The following KIF3C variants were observed in gnomAD, a reference collection of about 807,000 sequenced individuals.
KIF3C encodes the protein kinesin family member 3C.
KIF3C carries 12 observed loss-of-function variants against 67.7 expected under a neutral mutation model. The observed-to-expected ratio is 0.18, with a 90% confidence interval of 0.11 to 0.29. The LOEUF is 0.29. KIF3C is among the 10% of genes least tolerant of loss of function. KIF3C has a pLI of 1.00. For synonymous variants in KIF3C, 393 were observed against 426.2 expected (o/e 0.92, Z 0.96); for missense variants, 789 against 1,059.6 (o/e 0.74, Z 3.55).
Position 25,929,391 on chromosome 2 carries a change from A to G in KIF3C, c.2202T>C (p.Pro734=). 1 of 1,614,096 alleles carries G rather than the reference A, an allele frequency of 6.2e-7. No homozygotes were observed. Among genetic ancestry groups the G allele is most frequent in the South Asian group, 1.1e-5 (1 of 91,080 alleles). ...TGAGCCTCTCCATGTGTAGCGCACG[A>G]GGGTCTTGTTCTTGGTCGTGAGAGA... ...MEFSHDQEQD[P]RALHMERLMR... is the part of the protein sequence containing the mutation. The change falls in exon 7 of 8, where the codon CCT becomes CCC. Residue 734 remains proline (P), a synonymous_variant. Transcript: ENST00000264712.
At position 25,955,562 on chromosome 2, in the gene KIF3C, G is replaced by T. The variant is rs1559553413; in HGVS notation, c.1749C>A (p.Val583=). The T allele has an allele frequency of 6.2e-7, 1 of 1,614,042 alleles. No homozygotes were observed. The highest frequency in any genetic ancestry group is 8.5e-7 in the Non-Finnish European group (1 of 1,179,982). ...TYTSLQQEVE[V]KTKKLKKLYA... ...TCACCTTCTTGAGTTTCTTGGTTTT[G>T]ACCTCCACCTCCTGCTGCAGGGATG... is the stretch of plus-strand genomic sequence containing the variant. Residue 583 remains valine (V), a synonymous_variant, in exon 3 of 8, where the codon GTC becomes GTA. Transcript: ENST00000264712. This position sits in a 1 kb window ranked among gnomAD's most constrained non-coding sequence, Gnocchi z 5.0.
Position 25,980,727 on chromosome 2 carries a change from C to T in KIF3C, c.1191G>A (p.Arg397=). 6.2e-7 allele frequency: 1 copy of T among 1,614,178 alleles called. No homozygotes were observed. The highest frequency in any genetic ancestry group is 8.5e-7 in the Non-Finnish European group (1 of 1,179,994). The change falls in exon 1 of 8, where the codon AGG becomes AGA. Residue 397 remains arginine (R), a synonymous_variant. Transcript: ENST00000264712. The surrounding 1 kb of genome is among the most constrained non-coding windows in gnomAD (Gnocchi z 7.6). ...IARLKAQLEK[R]GMLGKRPRRK... ...TCCGGGGCCGCTTCCCCAGCATCCC[C>T]CTCTTCTCCAGCTGGGCCTTCAGGC...
intron 1 of KIF3C, among the ~76,000 whole-genome samples, chr2:25,969,216 C>A (rs1664217698): frequency 6.6e-6 from 1 of 152,152 alleles, no homozygotes; most frequent in African/African-American, 2.4e-5. Context: ...TATAATTGAG[C>A]ATTATTATCA....
At chr2:25,959,710 G>A (rs144848709) in intron 1 of KIF3C, among the ~76,000 whole-genome samples, 3,158 of 152,240 alleles carry the variant, frequency 0.021, 54 homozygotes, top group Middle Eastern at 0.088. Context: ...AAAGTGCTGG[G>A]ATTACAGGTG....
chr2:25,931,350 C>G (rs2090457198), intron 5 of KIF3C, among the ~76,000 whole-genome samples: 1 of 150,724 alleles, frequency 6.6e-6, no homozygotes. Flanking sequence ...CCCATCTACT[C>G]AGGAGAGTGA....
chr2:25,981,048 G>T lies in KIF3C; in HGVS notation c.870C>A (p.Ala290=), dbSNP rs1205315479. Residue 290 remains alanine, a synonymous_variant, in exon 1 of 8, where the codon GCC becomes GCA. Transcript: ENST00000264712. The surrounding 1 kb of genome is among the most constrained non-coding windows in gnomAD (Gnocchi z 8.2). ...GGAGGERPKE[A]SKINLSLSAL... is the part of the protein sequence containing the mutation. ...CAGATAATGAGAGGTTGATTTTGGA[G>T]GCTTCCTTAGGCCTCTCTCCACCAG... 5 of 1,614,040 alleles carry T rather than the reference G, an allele frequency of 3.1e-6. No homozygotes were observed. Among genetic ancestry groups the T allele is most frequent in the Non-Finnish European group, 2.5e-6 (3 of 1,180,020 alleles).
intron 5 of KIF3C, among the ~76,000 whole-genome samples, chr2:25,940,964 G>A (rs1398873371): frequency 6.6e-6 from 1 of 152,022 alleles, no homozygotes; most frequent in African/African-American, 2.4e-5. Context: ...AATTCAGAAT[G>A]TTCTAAATCC....
In KIF3C at chr2:25,962,997, AATATATAATATATAAT is replaced by A. The variant is rs1237646362; in HGVS notation, c.1546-6569_1546-6554del. On this transcript the variant is annotated intron_variant, in intron 1 of 7. Coordinates refer to ENST00000264712, the MANE Select transcript of KIF3C (RefSeq NM_002254.8). Reference sequence around the variant, plus strand: ...ATAATATATAATATATAATATATATAATATATAATATATAATATATATAATATATAATATATAATAT... The same window carrying A: ...ATAATATATAATATATAATATATATAATATATAATATATAATATATAATAT... Among the ~76,000 whole-genome samples, 53 of 35,814 alleles carry A rather than the reference AATATATAATATATAAT, an allele frequency of 1.5e-3. 2 individuals carry two copies. Among genetic ancestry groups the A allele is most frequent in the East Asian group, 6.0e-3 (2 of 334 alleles). The allele number at this position is 35,814 out of a possible 152,430, so 23.5% of individuals were successfully genotyped here. A position where few individuals can be genotyped will look rare whatever the true frequency, so the allele number is the denominator to read the frequency against.
intron 1 of KIF3C, among the ~76,000 whole-genome samples, chr2:25,969,310 C>T (rs920576072): frequency 1.3e-5 from 2 of 152,234 alleles, no homozygotes; most frequent in Admixed American, 6.5e-5. Flanking sequence ...ATGTCCCCCC[C>T]GTCTTTTTTA....
At chr2:25,950,897 A>G (rs75397678) in intron 5 of KIF3C, among the ~76,000 whole-genome samples, 10 of 83,240 alleles carry the variant, frequency 1.2e-4, no homozygotes, top group African/African-American at 3.8e-4. Context: ...TAGTTGTTAA[A>G]AAAAAAAAAA....
intron 1 of KIF3C, among the ~76,000 whole-genome samples, chr2:25,963,157 T>C (rs1310284223): frequency 1.3e-5 from 1 of 78,152 alleles, no homozygotes; most frequent in East Asian, 3.4e-4. Flanking sequence ...TGTGTGTGTG[T>C]GTATGTATGT....
rs371189415 is a variant in KIF3C at position 25,980,802 on chromosome 2, G to A, written c.1116C>T (p.Asn372=). The A allele has an allele frequency of 6.8e-6, 11 of 1,614,048 alleles. No homozygotes were observed. Among genetic ancestry groups the A allele is most frequent in the African/African-American group, 5.3e-5 (4 of 74,912 alleles). The stretch of plus-strand genomic sequence containing the variant: ...GCAGCAGTGTGTCCTTGGGGTCCTC[G>A]TTCACCCGGGGCTTGTTCTTGATGT... The part of the protein sequence containing the change: ...AKNIKNKPRV[N]EDPKDTLLRE... The change falls in exon 1 of 8, where the codon AAC becomes AAT. Residue 372 remains asparagine (N), a synonymous_variant. Transcript: ENST00000264712. This position sits in a 1 kb window ranked among gnomAD's most constrained non-coding sequence, Gnocchi z 7.6.
chr2:25,946,771 A>G (rs1189636635), intron 5 of KIF3C, among the ~76,000 whole-genome samples: 1 of 150,358 alleles, frequency 6.7e-6, no homozygotes, highest in African/African-American at 2.5e-5. Flanking sequence ...AGAGAATTAC[A>G]TGAGTCTGGG....
intron 1 of KIF3C, among the ~76,000 whole-genome samples, chr2:25,971,143 G>A (rs552478640): frequency 1.3e-5 from 2 of 151,992 alleles, no homozygotes; most frequent in East Asian, 1.9e-4. Flanking sequence ...GTGGTGGCGG[G>A]TGCCTGTAGT....
rs1176968500 is a variant in KIF3C at position 25,963,189 on chromosome 2, TATATA to T, written c.1546-6750_1546-6746del. 5.5e-5 allele frequency among the ~76,000 whole-genome samples: 3 copies of T among 55,012 alleles called. 1 individual carries two copies. Among genetic ancestry groups the T allele is most frequent in the Middle Eastern group, 0.014 (2 of 140 alleles). 36.1% of individuals were successfully genotyped at this position (55,012 alleles called of 152,430 possible). A position where few individuals can be genotyped will look rare whatever the true frequency, so the allele number is the denominator to read the frequency against. Reference sequence around the variant, plus strand: ...ATGTGTGTGTGTATATATATATATATATATATATTTTTTTTTTTTTTTTTTTTTTT... The same window carrying T: ...ATGTGTGTGTGTATATATATATATATTATTTTTTTTTTTTTTTTTTTTTTT... On this transcript the variant is annotated intron_variant, in intron 1 of 7. Transcript: ENST00000264712.
intron 1 of KIF3C, among the ~76,000 whole-genome samples, chr2:25,979,384 T>C (rs763310361): frequency 2.3e-4 from 35 of 152,166 alleles, no homozygotes; most frequent in Non-Finnish European, 3.8e-4. Flanking sequence ...TTAACTGTGA[T>C]GAGGCCTCGG....
chr2:25,977,680 G>A (rs139993236), intron 1 of KIF3C, among the ~76,000 whole-genome samples: 6 of 152,266 alleles, frequency 3.9e-5, no homozygotes, highest in Admixed American at 2.6e-4. Flanking sequence ...AAATGCCCTC[G>A]TGCTAATGAT....
chr2:25,947,395 C>A (rs985333828), intron 5 of KIF3C, among the ~76,000 whole-genome samples: 83 of 152,134 alleles, frequency 5.5e-4, no homozygotes, highest in African/African-American at 1.9e-3. Flanking sequence ...TCCTGGCTAA[C>A]ATGGTGAAAC....
At position 25,929,316 on chromosome 2, in the gene KIF3C, C is replaced by T; in HGVS notation, c.2277G>A (p.Lys759=). ...ATGGAGGTACTGACCAGGATCTGGA[C>T]TTTCGGACTTTAGACGTGGAAGGTC... is the stretch of plus-strand genomic sequence containing the variant. ...LERPSTSKVR[K]SRSWCQSPQR... is the part of the protein sequence containing the mutation. Residue 759 remains lysine (K), a synonymous_variant, in exon 7 of 8, where the codon AAG becomes AAA. Coordinates refer to ENST00000264712, the MANE Select transcript of KIF3C (RefSeq NM_002254.8). 1 of 1,614,092 alleles carries T rather than the reference C, an allele frequency of 6.2e-7. No homozygotes were observed. Among genetic ancestry groups the T allele is most frequent in the Non-Finnish European group, 8.5e-7 (1 of 1,179,960 alleles).
Sources: gnomAD v4.1 joint callset for allele counts (sites outside exome capture counted in the v4.1 genomes callset) on GRCh38, gnomAD v4.1.1 for gene constraint, Gnocchi (gnomAD v3.1) non-coding constraint, MANE v1.5 for transcripts, NCBI Gene and HGNC (gene_info 2026-07-23, HGNC 2026-07-21) for gene names.